The following UGGT2 variants were observed in gnomAD, a reference collection of about 807,000 sequenced individuals.
The protein encoded by UGGT2 is UDP-glucose glycoprotein glucosyltransferase 2.
UGGT2 carries 180 observed loss-of-function variants against 192.1 expected under a neutral mutation model. The observed-to-expected ratio is 0.94, with a 90% confidence interval of 0.83 to 1.06. The LOEUF (loss-of-function observed/expected upper bound fraction) is 1.06. Ranked by LOEUF, UGGT2 falls within the 50% of genes least tolerant of loss-of-function variation. The pLI is 0.00. For missense variants in UGGT2, 1,849 were observed against 1,795.7 expected (o/e 1.03, Z -0.54); for synonymous variants, 580 against 591.0 (o/e 0.98, Z 0.27).
chr13:95,859,285 A>G (rs924563388), intron 33 of UGGT2, among the ~76,000 whole-genome samples: 1 of 152,222 alleles, frequency 6.6e-6, no homozygotes, highest in Non-Finnish European at 1.5e-5. Context: ...GACAGAATCC[A>G]TTTCTTTTAA....
chr13:96,022,993 C>G, intron 4 of UGGT2, 47 bp downstream of exon 4: 1 of 1,383,710 alleles, frequency 7.2e-7, no homozygotes, highest in Non-Finnish European at 9.7e-7. Context: ...CTATTGAACT[C>G]TCCTCTCTAT....
At chr13:95,933,310 G>A (rs937642338) in intron 17 of UGGT2, among the ~76,000 whole-genome samples, 2 of 152,040 alleles carry the variant, frequency 1.3e-5, no homozygotes, top group African/African-American at 4.8e-5. Context: ...TTCAATCTTG[G>A]GAGACCAGGA....
At chr13:95,998,854 G>A (rs17189937) in intron 6 of UGGT2, among the ~76,000 whole-genome samples, 4,774 of 151,706 alleles carry the variant, frequency 0.031, 86 homozygotes, top group Middle Eastern at 0.056. Context: ...TTACATGGGC[G>A]AGACCCAGAT....
At chr13:95,961,163 C>T (rs2050379075) in intron 12 of UGGT2, among the ~76,000 whole-genome samples, 1 of 151,984 alleles carries the variant, frequency 6.6e-6, no homozygotes, top group East Asian at 1.9e-4. Context: ...CAACAAGACA[C>T]AATTGTTAAA....
chr13:95,894,965 G>A (rs1328883642), intron 23 of UGGT2, among the ~76,000 whole-genome samples: 1 of 152,086 alleles, frequency 6.6e-6, no homozygotes, highest in African/African-American at 2.4e-5. Flanking sequence ...TAAGAAACAA[G>A]GAGAAAGACA....
In UGGT2 at chr13:95,912,400, A is replaced by G. The variant is rs1253588039; in HGVS notation, c.2296-9340T>C. Among the ~76,000 whole-genome samples the G allele has an allele frequency of 2.0e-5, 3 of 152,252 alleles. No homozygotes were observed. The East Asian group carries it at 5.8e-4, about 29-fold the overall frequency. On this transcript the variant is annotated intron_variant, in intron 20 of 38. Transcript: ENST00000376747. ...CAACTTCAGCAAAGTCTCTGGATACAAAATCAATGTGCAAAAATCACAAGC... is the reference window on the plus strand; with the variant it reads ...CAACTTCAGCAAAGTCTCTGGATACGAAATCAATGTGCAAAAATCACAAGC...
intron 16 of UGGT2, among the ~76,000 whole-genome samples, chr13:95,939,095 C>A (rs956801245): frequency 2.0e-5 from 3 of 152,178 alleles, no homozygotes; most frequent in Non-Finnish European, 2.9e-5. Context: ...TATATTCAGA[C>A]CCCTTGCTTG....
chr13:95,843,006 T>G (rs1405794719), intron 36 of UGGT2, among the ~76,000 whole-genome samples: 2 of 152,236 alleles, frequency 1.3e-5, no homozygotes, highest in Non-Finnish European at 2.9e-5. Context: ...TAAGCTGTTA[T>G]GCAGCAACAG....
chr13:95,984,653 A>T (rs1490287670), intron 9 of UGGT2, among the ~76,000 whole-genome samples: 1 of 152,186 alleles, frequency 6.6e-6, no homozygotes. Flanking sequence ...AGAGTTTATA[A>T]TTCACTTATA....
chr13:95,887,411 T>C (rs948747960), intron 26 of UGGT2: 6 of 439,206 alleles, frequency 1.4e-5, no homozygotes, highest in Middle Eastern at 3.4e-4. Flanking sequence ...GAGAATGTTA[T>C]TTCAACAGAA....
chr13:95,947,966 G>T (rs751711825), intron 14 of UGGT2, 30 bp downstream of exon 14: 2 of 1,551,600 alleles, frequency 1.3e-6, no homozygotes, highest in South Asian at 1.1e-5. Flanking sequence ...TCCTTTAGTT[G>T]ACAGTTTAAT....
intron 8 of UGGT2, 56 bp from the exon 9 acceptor site, chr13:95,986,488 T>C (rs776973212): frequency 8.2e-5 from 104 of 1,269,108 alleles, no homozygotes; most frequent in Non-Finnish European, 1.1e-4. Flanking sequence ...TTTATAGACA[T>C]TTCCATGAAA....
At chr13:95,955,170 T>TA (rs1215593932) in intron 12 of UGGT2, among the ~76,000 whole-genome samples, 2 of 152,342 alleles carry the variant, frequency 1.3e-5, no homozygotes, top group Non-Finnish European at 2.9e-5. Flanking sequence ...ACAAATCTTT[T>TA]AAAAAGTCAA....
At chr13:96,034,822 C>T (rs2052950658) in intron 1 of UGGT2, among the ~76,000 whole-genome samples, 1 of 152,334 alleles carries the variant, frequency 6.6e-6, no homozygotes, top group South Asian at 2.1e-4. Flanking sequence ...GCGCAGTGGC[C>T]GGACCCTGTG....
At chr13:95,906,875 G>A (rs1471946586) in intron 20 of UGGT2, among the ~76,000 whole-genome samples, 2 of 152,168 alleles carry the variant, frequency 1.3e-5, no homozygotes, top group Non-Finnish European at 2.9e-5. Flanking sequence ...TGCAGCAGAT[G>A]GGTGATTCCT....
chr13:95,970,127 T>G lies in UGGT2; in HGVS notation c.1320A>C (p.Arg440=). ...IWEYTYVLDI[R]HSSIMWINDL... ...AAGCACTTACCATTATAGAAGAATG[T>G]CGAATATCTAATACATAAGTATATT... The change falls in exon 12 of 39, where the codon CGA becomes CGC. Residue 440 remains arginine (R), a synonymous_variant. Transcript: ENST00000376747. The G allele has an allele frequency of 6.2e-7, 1 of 1,608,270 alleles. No homozygotes were observed. The highest frequency in any genetic ancestry group is 8.5e-7 in the Non-Finnish European group (1 of 1,175,184).
chr13:96,010,054 A>G (rs1000054776), intron 5 of UGGT2, among the ~76,000 whole-genome samples: 1 of 152,162 alleles, frequency 6.6e-6, no homozygotes, highest in Non-Finnish European at 1.5e-5. Context: ...TGGTACTGTA[A>G]ACTAGTTCAT....
intron 36 of UGGT2, among the ~76,000 whole-genome samples, chr13:95,852,555 T>C (rs932528678): frequency 1.5e-4 from 23 of 152,208 alleles, no homozygotes; most frequent in Admixed American, 1.3e-4. Flanking sequence ...GCTAAAGAAA[T>C]CTTGTTTTTG....
intron 7 of UGGT2, among the ~76,000 whole-genome samples, chr13:95,992,035 C>T (rs1374502206): frequency 1.3e-5 from 2 of 152,108 alleles, no homozygotes; most frequent in East Asian, 1.9e-4. Context: ...TGGTGGCAGA[C>T]GCCTGTAATC....
Sources: allele counts gnomAD v4.1 joint callset (sites outside exome capture counted in the v4.1 genomes callset), GRCh38; gene constraint gnomAD v4.1.1; transcripts MANE v1.5; gene names NCBI Gene and HGNC (gene_info 2026-07-23, HGNC 2026-07-21).